The following RANBP17 variants were observed in gnomAD, a reference collection of about 807,000 sequenced individuals.
RANBP17 encodes RAN binding protein 17.
RANBP17 carries 158 observed loss-of-function variants against 141.2 expected under a neutral mutation model. The ratio of observed to expected loss-of-function variants is 1.12; its 90% CI spans 0.98 to 1.28. RANBP17 has a LOEUF of 1.28. RANBP17 is among the 50% of genes most tolerant of loss of function. The pLI is 0.00. For synonymous variants in RANBP17, 430 were observed against 450.0 expected (o/e 0.96, Z 0.56); for missense variants, 1,438 against 1,290.7 (o/e 1.11, Z -1.75).
intron 14 of RANBP17, among the ~76,000 whole-genome samples, chr5:171,057,634 G>A (rs541287751): frequency 1.4e-4 from 20 of 146,050 alleles, no homozygotes; most frequent in South Asian, 2.5e-4. Flanking sequence ...CAACTGTGAA[G>A]AAATACCCAA....
intron 14 of RANBP17, among the ~76,000 whole-genome samples, chr5:171,159,587 A>T (rs1410734806): frequency 1.3e-5 from 2 of 152,150 alleles, no homozygotes; most frequent in Non-Finnish European, 2.9e-5. Context: ...TAAACTAATG[A>T]TAGTGTTCTG....
chr5:171,013,420 A>G (rs1221787577), intron 14 of RANBP17, among the ~76,000 whole-genome samples: 2 of 151,956 alleles, frequency 1.3e-5, no homozygotes, highest in African/African-American at 2.4e-5. Context: ...TGTCTGTACC[A>G]CTTGTCTCCA....
intron 14 of RANBP17, among the ~76,000 whole-genome samples, chr5:171,118,944 C>T (rs988529996): frequency 7.2e-5 from 11 of 152,042 alleles, no homozygotes; most frequent in Admixed American, 2.6e-4. Context: ...GCTCTGGATA[C>T]GACTTCAGTG....
intron 14 of RANBP17, among the ~76,000 whole-genome samples, chr5:171,149,914 T>G (rs1046843526): frequency 6.6e-6 from 1 of 152,192 alleles, no homozygotes; most frequent in African/African-American, 2.4e-5. Flanking sequence ...GTTGTTAGTC[T>G]TCATCCTCTG....
At chr5:171,084,914 C>G in intron 14 of RANBP17, among the ~76,000 whole-genome samples, 1 of 29,820 alleles carries the variant, frequency 3.4e-5, no homozygotes, top group African/African-American at 1.2e-4. Flanking sequence ...TTGTAGGTTG[C>G]CTGTTCACTC....
chr5:170,965,426 G>T lies in RANBP17; in HGVS notation c.1575-2816G>T, dbSNP rs1047805286. 8.0e-4 allele frequency among the ~76,000 whole-genome samples: 121 copies of T among 152,086 alleles called. 1 individual carries two copies. Among genetic ancestry groups the T allele is most frequent in the African/African-American group, 2.8e-3 (116 of 41,498 alleles). On this transcript the variant is annotated intron_variant, in intron 13 of 27. Transcript: ENST00000523189. ...AATTAGATCCCATTTGTCAATTTTG[G>T]CTTTTGTTGCCATTGCTTTTGGTGT...
At chr5:171,097,819 A>T (rs953718355) in intron 14 of RANBP17, among the ~76,000 whole-genome samples, 12 of 151,402 alleles carry the variant, frequency 7.9e-5, no homozygotes, top group Non-Finnish European at 1.6e-4. Flanking sequence ...CCAGTGTGTG[A>T]TGTTCCCCTC....
intron 25 of RANBP17, among the ~76,000 whole-genome samples, chr5:171,269,577 C>T (rs1014843969): frequency 6.6e-6 from 1 of 152,152 alleles, no homozygotes; most frequent in South Asian, 2.1e-4. Flanking sequence ...CTTTCCAAGA[C>T]CTTATAAATC....
chr5:170,955,668 A>G (rs1316177823), intron 13 of RANBP17, among the ~76,000 whole-genome samples: 4 of 64,814 alleles, frequency 6.2e-5, no homozygotes, highest in Non-Finnish European at 1.3e-4. Context: ...ATATATATAT[A>G]TATATATATA....
chr5:171,062,321 T>C (rs549695265), intron 14 of RANBP17, among the ~76,000 whole-genome samples: 47 of 152,332 alleles, frequency 3.1e-4, no homozygotes, highest in Admixed American at 1.1e-3. Context: ...CCATGTTTAG[T>C]GCTTCCTTCA....
intron 24 of RANBP17, among the ~76,000 whole-genome samples, chr5:171,257,111 A>G (rs1386463182): frequency 3.3e-5 from 5 of 152,192 alleles, no homozygotes; most frequent in African/African-American, 1.2e-4. Flanking sequence ...TCAGACAAGG[A>G]CACAACAAAA....
intron 10 of RANBP17, 144 bp downstream of exon 10, chr5:170,919,003 T>C: frequency 2.3e-6 from 1 of 428,976 alleles, no homozygotes; most frequent in East Asian, 3.7e-5. Flanking sequence ...GGTAAAAAAA[T>C]TCATTGAAAT....
At chr5:170,921,569 G>A (rs1456298532) in intron 11 of RANBP17, among the ~76,000 whole-genome samples, 1 of 151,936 alleles carries the variant, frequency 6.6e-6, no homozygotes, top group Non-Finnish European at 1.5e-5. Flanking sequence ...TTGGCTATAC[G>A]GGCTCTTTTT....
Position 171,292,763 on chromosome 5 carries a change from C to T in RANBP17, c.2944-1120C>T, listed in dbSNP as rs372944828. Among the ~76,000 whole-genome samples, 9 of 152,326 alleles carry T rather than the reference C, an allele frequency of 5.9e-5. 1 individual carries two copies. The East Asian group carries it at 7.7e-4, about 13-fold the overall frequency. ...TTTCACAGCCACTTGCCTGGACTAT[C>T]GCAGCAGCCTCATCCCTGGTCTTTC... On this transcript the variant is annotated intron_variant, in intron 25 of 27. Transcript: ENST00000523189.
chr5:170,972,175 ATTTTT>A (rs5873248), intron 14 of RANBP17, among the ~76,000 whole-genome samples: 12 of 101,330 alleles, frequency 1.2e-4, no homozygotes, highest in Non-Finnish European at 1.4e-4. Context: ...GATCTTTAGG[ATTTTT>A]TTTTTTTTTT....
At chr5:171,093,554 C>T (rs771350504) in intron 14 of RANBP17, among the ~76,000 whole-genome samples, 2 of 152,192 alleles carry the variant, frequency 1.3e-5, no homozygotes, top group Admixed American at 1.3e-4. Flanking sequence ...CCAATTGTCA[C>T]TGTTATATTT....
intron 22 of RANBP17, among the ~76,000 whole-genome samples, chr5:171,234,671 TGTA>T (rs1250143948): frequency 3.3e-5 from 5 of 152,122 alleles, no homozygotes; most frequent in African/African-American, 1.2e-4. Context: ...ACAGAAAAAA[TGTA>T]GTCAAGAGAT....
intron 14 of RANBP17, among the ~76,000 whole-genome samples, chr5:171,131,896 A>T (rs1756947420): frequency 6.6e-6 from 1 of 152,216 alleles, no homozygotes; most frequent in Admixed American, 6.5e-5. Flanking sequence ...TGAACCTAGT[A>T]AATGAGAGTA....
chr5:171,105,358 G>A (rs1581647296), intron 14 of RANBP17, among the ~76,000 whole-genome samples: 4 of 136,872 alleles, frequency 2.9e-5, no homozygotes, highest in East Asian at 2.1e-4. Context: ...CTCCAGCCTG[G>A]GCGACAGAGC....
Sources: allele counts gnomAD v4.1 joint callset (sites outside exome capture counted in the v4.1 genomes callset), GRCh38; gene constraint gnomAD v4.1.1; transcripts MANE v1.5; gene names NCBI Gene and HGNC (gene_info 2026-07-23, HGNC 2026-07-21).